NELL2: variants seen among roughly 807,000 people sequenced by gnomAD.
NELL2 encodes protein kinase C-binding protein NELL2.
A neutral mutation model predicts 109.6 loss-of-function variants in NELL2; 41 were observed. The ratio of observed to expected loss-of-function variants is 0.37; its 90% CI spans 0.29 to 0.49. The LOEUF is 0.49. Ranked by LOEUF, NELL2 falls within the 20% of genes least tolerant of loss-of-function variation. NELL2 has a pLI of 0.98. For synonymous variants in NELL2, 355 were observed against 344.7 expected (o/e 1.03, Z -0.33); for missense variants, 900 against 1,008.3 (o/e 0.89, Z 1.45).
chr12:44,791,097 G>GTA (rs371450408), intron 3 of NELL2, among the ~76,000 whole-genome samples: 14,020 of 38,354 alleles, frequency 0.37, 2,657 homozygotes, highest in East Asian at 0.58. Context: ...ATATATATAT[G>GTA]TATATATATA....
chr12:44,903,003 C>T (rs1945679517), intron 1 of NELL2, among the ~76,000 whole-genome samples: 1 of 152,172 alleles, frequency 6.6e-6, no homozygotes, highest in African/African-American at 2.4e-5. Flanking sequence ...GCAAAGACTT[C>T]ATGACTAAAA....
intron 9 of NELL2, among the ~76,000 whole-genome samples, chr12:44,751,203 G>T (rs1215328342): frequency 6.6e-6 from 1 of 152,158 alleles, no homozygotes; most frequent in Non-Finnish European, 1.5e-5. Context: ...GTGGAAGGGG[G>T]AAGGAAGAAA....
chr12:44,601,428 AAAAT>A (rs760902468), intron 15 of NELL2, among the ~76,000 whole-genome samples: 1 of 152,204 alleles, frequency 6.6e-6, no homozygotes, highest in Non-Finnish European at 1.5e-5. Context: ...CATTAGGACA[AAAAT>A]AAAGCAATTT....
intron 2 of NELL2, among the ~76,000 whole-genome samples, chr12:44,855,623 T>C (rs565966731): frequency 5.3e-5 from 8 of 152,304 alleles, no homozygotes; most frequent in Non-Finnish European, 1.0e-4. Flanking sequence ...AGAAGTACCA[T>C]AGCATAAATA....
At chr12:44,844,413 C>T (rs978883612) in intron 2 of NELL2, among the ~76,000 whole-genome samples, 1 of 152,150 alleles carries the variant, frequency 6.6e-6, no homozygotes, top group South Asian at 2.1e-4. Context: ...AAAAACATTA[C>T]GGAGAACAAA....
At chr12:44,822,934 G>A (rs1299334781) in intron 2 of NELL2, among the ~76,000 whole-genome samples, 3 of 152,084 alleles carry the variant, frequency 2.0e-5, no homozygotes, top group Non-Finnish European at 2.9e-5. Context: ...AGTTAACAAA[G>A]AAAGGCAGGG....
intron 16 of NELL2, among the ~76,000 whole-genome samples, chr12:44,528,003 A>AGAATGGCGTGAACCGG (rs1941866958): frequency 6.9e-6 from 1 of 144,610 alleles, no homozygotes; most frequent in African/African-American, 2.5e-5. Flanking sequence ...CTGAGGCAGG[A>AGAATGGCGTGAACCGG]GAATGGCGTG....
upstream of NELL2, among the ~76,000 whole-genome samples, chr12:44,878,806 C>G (rs1309060450): frequency 5.9e-5 from 9 of 152,250 alleles, no homozygotes; most frequent in East Asian, 1.5e-3. Flanking sequence ...TCCTTTTAGA[C>G]AATGTTAAAA....
intron 11 of NELL2, 43 bp downstream of exon 11, chr12:44,711,249 A>G: frequency 1.4e-6 from 2 of 1,401,450 alleles, no homozygotes; most frequent in Non-Finnish European, 2.0e-6. Context: ...AGCCTACTAT[A>G]ATAACTCTTG....
chr12:44,522,372 A>C (rs1171924626), intron 17 of NELL2, among the ~76,000 whole-genome samples, 196 bp from the exon 18 acceptor site: 1 of 152,122 alleles, frequency 6.6e-6, no homozygotes, highest in African/African-American at 2.4e-5. Context: ...GAGGATTTTC[A>C]ATTTCCTTTC....
At position 44,842,297 on chromosome 12, in the gene NELL2, G is replaced by A. The variant is rs575393394; in HGVS notation, c.185-26161C>T. Among the ~76,000 whole-genome samples the A allele has an allele frequency of 7.2e-5, 11 of 152,198 alleles. No individual in the cohort carries two copies. In the South Asian group the frequency reaches 1.4e-3, roughly 20 times the overall value. Reference sequence around the variant, plus strand: ...AGTCTAGGAACAGAGACATATTTACGTGTTCAATAGATTTTGACAAACTAC... The same window carrying A: ...AGTCTAGGAACAGAGACATATTTACATGTTCAATAGATTTTGACAAACTAC... On this transcript the variant is annotated intron_variant, in intron 2 of 19. Coordinates refer to ENST00000429094, the MANE Select transcript of NELL2 (RefSeq NM_001145108.2).
intron 2 of NELL2, among the ~76,000 whole-genome samples, chr12:44,873,823 T>G (rs1945235165): frequency 1.3e-5 from 2 of 152,044 alleles, no homozygotes; most frequent in African/African-American, 4.8e-5. Context: ...TGTAGCCTTA[T>G]CTTCTTTATT....
chr12:44,812,060 T>G (rs1943196937), intron 3 of NELL2, among the ~76,000 whole-genome samples: 1 of 151,860 alleles, frequency 6.6e-6, no homozygotes, highest in Non-Finnish European at 1.5e-5. Flanking sequence ...TGAACTAGAA[T>G]GCACCCATTG....
chr12:44,827,523 GA>G (rs1943754264), intron 2 of NELL2, among the ~76,000 whole-genome samples: 1 of 148,084 alleles, frequency 6.8e-6, no homozygotes, highest in Non-Finnish European at 1.5e-5. Flanking sequence ...CTATCTCCAT[GA>G]GTTCAATTAT....
intron 1 of NELL2, among the ~76,000 whole-genome samples, chr12:44,906,704 A>C (rs1945722928): frequency 6.6e-6 from 1 of 152,124 alleles, no homozygotes; most frequent in Non-Finnish European, 1.5e-5. Context: ...AACTAGAGGA[A>C]GAGATGGAGA....
intron 9 of NELL2, among the ~76,000 whole-genome samples, chr12:44,735,956 A>G (rs1939615337): frequency 6.6e-6 from 1 of 151,832 alleles, no homozygotes; most frequent in Non-Finnish European, 1.5e-5. Context: ...TCAGGTTAAT[A>G]AGTAATAAAA....
At chr12:44,876,686 T>C (rs763563265), upstream of NELL2, 3 of 1,550,198 alleles carry the variant, frequency 1.9e-6, no homozygotes, top group South Asian at 3.6e-5. Flanking sequence ...CTGGAGCGAG[T>C]AGCGCTCGCC....
intron 3 of NELL2, among the ~76,000 whole-genome samples, chr12:44,807,031 T>G (rs1943024330): frequency 6.6e-6 from 1 of 151,620 alleles, no homozygotes; most frequent in Non-Finnish European, 1.5e-5. Flanking sequence ...AAAAAAATTA[T>G]ATTTTTACAA....
chr12:44,557,297 T>C (rs986938075), intron 15 of NELL2, among the ~76,000 whole-genome samples: 2 of 152,196 alleles, frequency 1.3e-5, no homozygotes, highest in African/African-American at 4.8e-5. Flanking sequence ...ATGATAACAT[T>C]ACTGCAAAAT....
Sources: gnomAD v4.1 joint callset for allele counts (sites outside exome capture counted in the v4.1 genomes callset) on GRCh38, gnomAD v4.1.1 for gene constraint, MANE v1.5 for transcripts, NCBI Gene and HGNC (gene_info 2026-07-23, HGNC 2026-07-21) for gene names.